The following FBXW10B variants were observed in gnomAD, a reference collection of about 807,000 sequenced individuals.
FBXW10B encodes the protein F-box and WD repeat domain containing 10B, also known as F-box and WD repeat domain containing protein 10B.
chr17:15,587,104 T>C, the FBXW10B span, among the ~76,000 whole-genome samples: 1 of 151,508 alleles, frequency 6.6e-6, no homozygotes, highest in African/African-American at 2.4e-5. Context: ...AACCATCCCC[T>C]TGAAATGGGG....
chr17:15,596,997 A>G, the FBXW10B span, among the ~76,000 whole-genome samples: 1 of 151,868 alleles, frequency 6.6e-6, no homozygotes, highest in African/African-American at 2.4e-5. Flanking sequence ...AATGCTTGCT[A>G]TCGAGTAGAT....
the FBXW10B span, among the ~76,000 whole-genome samples, chr17:15,618,087 T>G: frequency 6.6e-6 from 1 of 152,170 alleles, no homozygotes; most frequent in Non-Finnish European, 1.5e-5. Flanking sequence ...CCCAGCACTT[T>G]GGGAGGCCGA....
the FBXW10B span, among the ~76,000 whole-genome samples, chr17:15,596,899 A>G: frequency 5.3e-5 from 8 of 152,136 alleles, no homozygotes; most frequent in Non-Finnish European, 7.3e-5. Context: ...CGCAATCCAG[A>G]AGACCTTGGC....
At chr17:15,614,162 T>C in the FBXW10B span, 1 of 1,199,010 alleles carries the variant, frequency 8.3e-7, no homozygotes. Context: ...GGCCACTAGA[T>C]TTTTGTCATC....
the FBXW10B span, among the ~76,000 whole-genome samples, chr17:15,614,998 T>C: frequency 6.6e-6 from 1 of 152,172 alleles, no homozygotes; most frequent in Admixed American, 6.6e-5. Context: ...AGATGATGGA[T>C]TGTGGCCCAG....
At chr17:15,579,866 G>A in the FBXW10B span, among the ~76,000 whole-genome samples, 11 of 151,846 alleles carry the variant, frequency 7.2e-5, no homozygotes, top group African/African-American at 1.5e-4. Flanking sequence ...TTATACTTTC[G>A]TAGAGCTATG....
chr17:15,609,663 G>T, the FBXW10B span, among the ~76,000 whole-genome samples: 2 of 151,966 alleles, frequency 1.3e-5, no homozygotes, highest in African/African-American at 4.8e-5. Context: ...TCAAGTAAAT[G>T]CTGTATGCAG....
the FBXW10B span, among the ~76,000 whole-genome samples, chr17:15,602,542 C>T: frequency 4.3e-5 from 6 of 138,430 alleles, no homozygotes; most frequent in Non-Finnish European, 9.2e-5. Context: ...GGAAGAATCA[C>T]AGAAATGAGG....
the FBXW10B span, among the ~76,000 whole-genome samples, chr17:15,602,713 G>GC: frequency 1.0e-5 from 1 of 100,118 alleles, no homozygotes; most frequent in Non-Finnish European, 1.8e-5. Context: ...TGCAGCCTCC[G>GC]CCCCCTGGGG....
the FBXW10B span, among the ~76,000 whole-genome samples, chr17:15,601,049 CAAAAAAAA>C: frequency 1.1e-4 from 3 of 28,262 alleles, no homozygotes; most frequent in Admixed American, 1.3e-3. Context: ...GACTCCATCT[CAAAAAAAA>C]AAAAAAAAAA....
the FBXW10B span, among the ~76,000 whole-genome samples, chr17:15,613,048 G>A: frequency 6.6e-6 from 1 of 152,020 alleles, no homozygotes; most frequent in South Asian, 2.1e-4. Context: ...AGCAAAGATG[G>A]TCAGACTGTC....
chr17:15,575,511 T>A, the FBXW10B span, among the ~76,000 whole-genome samples: 1 of 149,578 alleles, frequency 6.7e-6, no homozygotes. Flanking sequence ...GCTCACCACT[T>A]CACTAGTTGC....
the FBXW10B span, chr17:15,565,569 T>A: frequency 6.2e-7 from 1 of 1,613,948 alleles, no homozygotes; most frequent in Admixed American, 1.7e-5. Context: ...CAGGGGCCGC[T>A]GTTTTCCCTT....
At chr17:15,608,467 T>C in the FBXW10B span, among the ~76,000 whole-genome samples, 1 of 147,144 alleles carries the variant, frequency 6.8e-6, no homozygotes, top group African/African-American at 2.5e-5. Flanking sequence ...GCTGCAATTT[T>C]TTTAAGACGG....
the FBXW10B span, among the ~76,000 whole-genome samples, chr17:15,585,943 C>CT: frequency 0.015 from 2,099 of 137,116 alleles, 27 homozygotes; most frequent in African/African-American, 0.029. Context: ...TCATTTTCTT[C>CT]TTTTTTTTTT....
At chr17:15,595,938 G>A in the FBXW10B span, among the ~76,000 whole-genome samples, 21 of 141,198 alleles carry the variant, frequency 1.5e-4, no homozygotes, top group East Asian at 3.7e-3. Context: ...TTTTTGAGAC[G>A]CATGATCTCA....
At chr17:15,607,574 G>A in the FBXW10B span, 317,171 of 1,610,074 alleles carry the variant, frequency 0.2, 34,919 homozygotes, top group East Asian at 0.46. Flanking sequence ...CAGTACCTAC[G>A]TGTCAGAGAG....
the FBXW10B span, among the ~76,000 whole-genome samples, chr17:15,583,314 A>T: frequency 7.7e-6 from 1 of 130,246 alleles, no homozygotes; most frequent in Admixed American, 8.9e-5. Context: ...TCTCCCACCC[A>T]TCCATCGGGT....
At chr17:15,571,967 T>TAG in the FBXW10B span, 1 of 72,992 alleles carries the variant, frequency 1.4e-5, no homozygotes, top group East Asian at 4.0e-4. Flanking sequence ...GAAACGGCGG[T>TAG]GGGGGGAGGG....
Sources: gnomAD v4.1 joint callset for allele counts (sites outside exome capture counted in the v4.1 genomes callset) on GRCh38, gnomAD v4.1.1 for gene constraint, MANE v1.5 for transcripts, NCBI Gene and HGNC (gene_info 2026-07-23, HGNC 2026-07-21) for gene names.